Variants in GNPTAB observed in about 807,000 individuals in gnomAD.
GNPTAB encodes the protein N-acetylglucosamine-1-phosphate transferase subunits alpha and beta.
In GNPTAB, 92 loss-of-function variants were observed where a neutral mutation model predicts 136.6. The observed-to-expected ratio is 0.67, with a 90% confidence interval of 0.57 to 0.80. The LOEUF (loss-of-function observed/expected upper bound fraction) is 0.80. Ranked by LOEUF, GNPTAB falls within the 30% of genes least tolerant of loss-of-function variation. The pLI is 0.00. For synonymous variants in GNPTAB, 512 were observed against 535.1 expected (o/e 0.96, Z 0.60); for missense variants, 1,343 against 1,501.8 (o/e 0.89, Z 1.75).
intron 3 of GNPTAB, 146 bp downstream of exon 3, chr12:101,789,792 T>G: frequency 5.6e-6 from 5 of 890,886 alleles, no homozygotes; most frequent in Non-Finnish European, 9.1e-6. Context: ...CCTGTTTTGT[T>G]TTTTAAAAAT....
At chr12:101,757,384 C>T (rs1422194988) in intron 17 of GNPTAB, 74 bp from the exon 18 acceptor site, 6 of 991,784 alleles carry the variant, frequency 6.0e-6, no homozygotes, top group South Asian at 1.4e-5. Flanking sequence ...ATAGAAAATA[C>T]ATTTTTTAAA....
chr12:101,760,371 C>G (rs1334450470), intron 15 of GNPTAB, among the ~76,000 whole-genome samples: 1 of 152,136 alleles, frequency 6.6e-6, no homozygotes, highest in African/African-American at 2.4e-5. Context: ...CTCTGAGATA[C>G]CCATTTACAC....
At chr12:101,824,404 C>CTATATATATATATA (rs1566102959) in intron 1 of GNPTAB, among the ~76,000 whole-genome samples, 4 of 56,446 alleles carry the variant, frequency 7.1e-5, no homozygotes, top group Admixed American at 2.2e-4. Context: ...AGAAATTTCA[C>CTATATATATATATA]CATATATATA....
chr12:101,780,145 T>G lies in GNPTAB; in HGVS notation c.771+7A>C, dbSNP rs375495503. 4.5e-5 allele frequency: 73 copies of G among 1,612,366 alleles called. 1 individual carries two copies. The South Asian group carries it at 6.6e-4, about 15-fold the overall frequency. On this transcript the variant is annotated splice_region_variant and intron_variant, in intron 7 of 20. Transcript: ENST00000299314. ...CAGGCTAATTGCTCTATTTTCTATG[T>G]TCTTACCAGTTTGACTTTAGAGGAA...
chr12:101,827,431 G>A (rs1263870988), intron 1 of GNPTAB, among the ~76,000 whole-genome samples: 1 of 151,684 alleles, frequency 6.6e-6, no homozygotes, highest in African/African-American at 2.4e-5. Context: ...TAGAGACAGG[G>A]TCTCCTTTGT....
intron 1 of GNPTAB, 124 bp downstream of exon 1, chr12:101,830,435 G>A: frequency 1.5e-6 from 1 of 663,354 alleles, no homozygotes. Flanking sequence ...GACCAGCCTG[G>A]GCAACATGGC....
chr12:101,763,463 G>A lies in GNPTAB; in HGVS notation c.2715+739C>T, dbSNP rs11111003. 0.022 allele frequency among the ~76,000 whole-genome samples: 3,325 copies of A among 150,962 alleles called. 337 individuals carry two copies. In the East Asian group the frequency reaches 0.31, roughly 14 times the overall value. ...CCAGACTGTATGATTTTTTTTTTTG[G>A]TCTGTCAACTCCCACCCCTTCGAAG... On this transcript the variant is annotated intron_variant, in intron 13 of 20. Coordinates refer to ENST00000299314, the MANE Select transcript of GNPTAB (RefSeq NM_024312.5).
intron 19 of GNPTAB, among the ~76,000 whole-genome samples, chr12:101,753,169 AT>A (rs993433794): frequency 6.6e-5 from 10 of 151,948 alleles, no homozygotes; most frequent in African/African-American, 2.2e-4. Flanking sequence ...CAGAAGAATC[AT>A]TGTACCCAGG....
At chr12:101,793,799 A>G (rs1252001585) in intron 2 of GNPTAB, among the ~76,000 whole-genome samples, 1 of 152,226 alleles carries the variant, frequency 6.6e-6, no homozygotes, top group African/African-American at 2.4e-5. Context: ...TAGGTGAGAA[A>G]ACAGAGAACT....
chr12:101,765,884 C>A, intron 12 of GNPTAB: 2 of 550,062 alleles, frequency 3.6e-6, no homozygotes, highest in South Asian at 2.0e-5. Flanking sequence ...CAAAACAAAA[C>A]AAAACACCAG....
chr12:101,820,273 A>G (rs897862600), intron 1 of GNPTAB, among the ~76,000 whole-genome samples: 1 of 152,226 alleles, frequency 6.6e-6, no homozygotes, highest in Non-Finnish European at 1.5e-5. Context: ...AGAGCAAATG[A>G]ACTTGTCTAT....
intron 16 of GNPTAB, among the ~76,000 whole-genome samples, chr12:101,759,102 G>T (rs4589357): frequency 0.58 from 88,664 of 151,812 alleles, 26,398 homozygotes; most frequent in East Asian, 0.9. Context: ...AGTGGCTCAC[G>T]CCTGTAATCC....
At position 101,766,130 on chromosome 12, in the gene GNPTAB, C is replaced by T. The variant is rs777850397; in HGVS notation, c.1573G>A (p.Val525Ile). 12 of 1,614,160 alleles carry T rather than the reference C, an allele frequency of 7.4e-6. No individual in the cohort carries two copies. Among genetic ancestry groups the T allele is most frequent in the Non-Finnish European group, 1.0e-5 (12 of 1,180,020 alleles). The change falls in exon 12 of 21, where the codon GTC (valine) becomes ATC (isoleucine). Residue 525 changes from valine to isoleucine, a missense_variant. Transcript: ENST00000299314. Reference protein sequence around the residue: ...ADKFCDQACNVLSCGFDAGDC... With the variant: ...ADKFCDQACNILSCGFDAGDC... ...CCAGCATCAAACCCACAGGACAAGA[C>T]ATTGCATGCTTGGTCACAGAACTTA...
chr12:101,746,879 C>G lies in GNPTAB; in HGVS notation c.*285G>C. 1 of 363,342 alleles carries G rather than the reference C, an allele frequency of 2.8e-6. No homozygotes were observed. The highest frequency in any genetic ancestry group is 5.1e-6 in the Non-Finnish European group (1 of 196,462). The allele number at this position is 363,342 out of a possible 1,614,324, so 22.5% of individuals were successfully genotyped here. A position where few individuals can be genotyped will look rare whatever the true frequency, so the allele number is the denominator to read the frequency against. ...AATGATTGCTGTGGGAAATTAACAG[C>G]TGTCTCTTGTCAGTGAGCCTTTTTA... On this transcript the variant is annotated 3_prime_UTR_variant, in exon 21 of 21. Transcript: ENST00000299314.
rs1459340538 is a variant in GNPTAB at position 101,761,682 on chromosome 12, C to T, written c.2797G>A (p.Asp933Asn). The T allele has an allele frequency of 1.9e-6, 3 of 1,613,718 alleles. No homozygotes were observed. ...ATTTTATTTACATATCTGAGGGAAT[C>T]TGCAAATGTATCTTTTAGTTGCCTC... ...TGRQLKDTFA[D>N]SLRYVNKILN... The change falls in exon 14 of 21, where the codon GAT (aspartate) becomes AAT (asparagine). Residue 933 changes from aspartate (D) to asparagine (N), a missense_variant. Asp to Asn is a conservative substitution (Grantham distance 23, BLOSUM62 1). Transcript: ENST00000299314.
chr12:101,748,834 T>A (rs1380653078), intron 20 of GNPTAB, among the ~76,000 whole-genome samples: 1 of 152,220 alleles, frequency 6.6e-6, no homozygotes, highest in African/African-American at 2.4e-5. Context: ...TAGAGCTACT[T>A]GGTTTTAGCC....
intron 3 of GNPTAB, among the ~76,000 whole-genome samples, chr12:101,789,553 C>T (rs759673985): frequency 3.3e-5 from 5 of 152,190 alleles, no homozygotes; most frequent in African/African-American, 7.2e-5. Flanking sequence ...GATACAATCA[C>T]GGCTCACTGC....
In GNPTAB at chr12:101,780,134, T is replaced by C. The variant is rs746284293; in HGVS notation, c.771+18A>G. ...TGAGAATGTGCCAGGCTAATTGCTC[T>C]ATTTTCTATGTTCTTACCAGTTTGA... On this transcript the variant is annotated intron_variant, in intron 7 of 20. Transcript: ENST00000299314. 7 of 1,610,726 alleles carry C rather than the reference T, an allele frequency of 4.3e-6. No individual in the cohort carries two copies. Among genetic ancestry groups the C allele is most frequent in the Admixed American group, 1.7e-5 (1 of 60,024 alleles).
intron 5 of GNPTAB, among the ~76,000 whole-genome samples, chr12:101,783,662 T>C (rs1489018424): frequency 1.3e-5 from 2 of 151,858 alleles, no homozygotes; most frequent in Non-Finnish European, 2.9e-5. Context: ...ATCTATAGAG[T>C]GAAGGGGCAG....
Sources: gnomAD v4.1 joint callset for allele counts (sites outside exome capture counted in the v4.1 genomes callset) on GRCh38, gnomAD v4.1.1 for gene constraint, MANE v1.5 for transcripts, NCBI Gene and HGNC (gene_info 2026-07-23, HGNC 2026-07-21) for gene names.